Variants in STXBP4 observed in about 807,000 individuals in gnomAD.
STXBP4 encodes the protein syntaxin binding protein 4.
Under a neutral mutation model 76.1 loss-of-function variants are expected in STXBP4, and 55 were observed. That is an observed-to-expected ratio of 0.72 (90% CI 0.58 to 0.91). STXBP4 has a LOEUF of 0.91. Ranked by LOEUF, STXBP4 falls within the 40% of genes least tolerant of loss-of-function variation. The probability of loss-of-function intolerance (pLI) is 0.00; values close to 1 mark genes in which losing one functional copy is unlikely to be tolerated. For synonymous variants in STXBP4, 201 were observed against 220.2 expected, an observed-to-expected ratio of 0.91 and a Z score of 0.77; for missense variants, 618 against 636.9, an observed-to-expected ratio of 0.97 and a Z score of 0.32.
At chr17:55,112,904 TAA>T (rs1185744671) in intron 16 of STXBP4, among the ~76,000 whole-genome samples, 6 of 152,086 alleles carry the variant, frequency 3.9e-5, no homozygotes, top group Non-Finnish European at 7.4e-5. Context: ...GAAGGAGTGA[TAA>T]ATGCTGATAA....
chr17:55,039,206 A>G (rs954251839), intron 10 of STXBP4, among the ~76,000 whole-genome samples: 4 of 152,220 alleles, frequency 2.6e-5, no homozygotes, highest in Non-Finnish European at 5.9e-5. Flanking sequence ...AACATTCAGA[A>G]AAGATTCATA....
At chr17:55,082,055 A>G (rs1414055302) in intron 16 of STXBP4, among the ~76,000 whole-genome samples, 1 of 152,060 alleles carries the variant, frequency 6.6e-6, no homozygotes, top group Non-Finnish European at 1.5e-5. Flanking sequence ...TATACCTATA[A>G]TTTATAAAAA....
intron 16 of STXBP4, among the ~76,000 whole-genome samples, chr17:55,112,980 G>A (rs1166974200): frequency 1.3e-5 from 2 of 152,140 alleles, no homozygotes; most frequent in African/African-American, 2.4e-5. Flanking sequence ...TTTTAGAAGA[G>A]AAATTTCAGT....
At chr17:55,009,921 A>G (rs2078076860) in intron 8 of STXBP4, among the ~76,000 whole-genome samples, 3 of 151,972 alleles carry the variant, frequency 2.0e-5, no homozygotes. Context: ...GTATCATCTC[A>G]GCTTGAAATA....
rs1390165014 is a variant in STXBP4 at position 55,160,876 on chromosome 17, G to T, written c.*965G>T. ...CAGCAGACTTCTTTCAGCAGCTCGT[G>T]TTTTTCTAAAGTGAAAGGCATGGTT... is the stretch of plus-strand genomic sequence containing the variant. On this transcript the variant is annotated 3_prime_UTR_variant, in exon 18 of 18. Transcript: ENST00000376352. The T allele has an allele frequency of 6.6e-6, 1 of 152,310 alleles. No individual in the cohort carries two copies. Among genetic ancestry groups the T allele is most frequent in the African/African-American group, 2.4e-5 (1 of 41,466 alleles). The allele number at this position is 152,310 out of a possible 1,614,324, so 9.4% of individuals were successfully genotyped here.
rs553933060 is a variant in STXBP4 at position 55,087,617 on chromosome 17, G to T, written c.1489+6434G>T. ...TCATTGGTCTGTGTGATTTTAGGCC[G>T]GTCCCATGCTGTTTTGGTTACTGCA... On this transcript the variant is annotated intron_variant, in intron 16 of 17. Coordinates refer to ENST00000376352, the MANE Select transcript of STXBP4 (RefSeq NM_178509.6). Among the ~76,000 whole-genome samples, 10 of 152,062 alleles carry T rather than the reference G, an allele frequency of 6.6e-5. No individual in the cohort carries two copies. The East Asian group carries it at 1.7e-3, about 26-fold the overall frequency.
the STXBP4 span, among the ~76,000 whole-genome samples, chr17:55,179,313 T>C: frequency 2.6e-5 from 4 of 151,736 alleles, no homozygotes; most frequent in African/African-American, 9.7e-5. Flanking sequence ...TCCTAGAGCA[T>C]GGAAAAAAAA....
At chr17:55,084,300 T>C (rs1039633381) in intron 16 of STXBP4, among the ~76,000 whole-genome samples, 3 of 152,228 alleles carry the variant, frequency 2.0e-5, no homozygotes, top group African/African-American at 4.8e-5. Context: ...TGTCTGTTCA[T>C]GTCCTTTGCC....
chr17:55,147,715 T>C (rs979412075), intron 17 of STXBP4, among the ~76,000 whole-genome samples: 3 of 152,216 alleles, frequency 2.0e-5, no homozygotes, highest in Non-Finnish European at 4.4e-5. Flanking sequence ...AGAAAGTCTA[T>C]GTATTTGAAT....
chr17:55,033,948 A>G (rs146568693), intron 9 of STXBP4, among the ~76,000 whole-genome samples: 1 of 152,346 alleles, frequency 6.6e-6, no homozygotes, highest in African/African-American at 2.4e-5. Flanking sequence ...CTTTATTATT[A>G]TCTTAGCTGA....
chr17:55,011,855 C>G (rs2078121938), intron 8 of STXBP4, among the ~76,000 whole-genome samples: 1 of 152,146 alleles, frequency 6.6e-6, no homozygotes, highest in Admixed American at 6.6e-5. Context: ...CCCCTCTCAA[C>G]AGGAAAACCC....
intron 16 of STXBP4, among the ~76,000 whole-genome samples, chr17:55,096,742 C>T (rs372513774): frequency 4.0e-5 from 6 of 151,780 alleles, no homozygotes; most frequent in East Asian, 3.9e-4. Context: ...GGACTATTTG[C>T]GTAACAATAC....
chr17:55,078,050 A>G, intron 13 of STXBP4, 28 bp from the exon 14 acceptor site: 1 of 1,438,266 alleles, frequency 7.0e-7, no homozygotes, highest in Non-Finnish European at 9.6e-7. Flanking sequence ...AGAAATGTGT[A>G]AATGCTCCTT....
chr17:55,148,608 G>A (rs1253104872), intron 17 of STXBP4, among the ~76,000 whole-genome samples: 2 of 151,102 alleles, frequency 1.3e-5, no homozygotes, highest in African/African-American at 2.4e-5. Flanking sequence ...ACACAGTCTC[G>A]GCTCAGTGCA....
At chr17:54,974,958 G>A (rs1453318221) in intron 1 of STXBP4, among the ~76,000 whole-genome samples, 1 of 152,166 alleles carries the variant, frequency 6.6e-6, no homozygotes, top group Non-Finnish European at 1.5e-5. Context: ...GGAAAGGGGT[G>A]GTAAGATCTG....
intron 11 of STXBP4, chr17:55,044,449 G>A (rs1212965785): frequency 6.6e-6 from 1 of 151,798 alleles, no homozygotes; most frequent in Non-Finnish European, 1.5e-5. Context: ...GGAAGCCATT[G>A]TTGCAAATAT....
At chr17:55,099,904 C>CT (rs914585949) in intron 16 of STXBP4, among the ~76,000 whole-genome samples, 1 of 152,034 alleles carries the variant, frequency 6.6e-6, no homozygotes, top group African/African-American at 2.4e-5. Flanking sequence ...AAGATTATAC[C>CT]TTTTTTTCAG....
chr17:54,994,412 T>C (rs560075245), intron 4 of STXBP4, among the ~76,000 whole-genome samples: 2 of 152,346 alleles, frequency 1.3e-5, no homozygotes, highest in African/African-American at 4.8e-5. Flanking sequence ...ACAGAGTCTC[T>C]TCCAGTTTAC....
At chr17:55,202,551 TG>T in the STXBP4 span, among the ~76,000 whole-genome samples, 2 of 152,042 alleles carry the variant, frequency 1.3e-5, no homozygotes, top group African/African-American at 4.8e-5. Flanking sequence ...AAGGGTGTCT[TG>T]CTCAGGGCAA....
Sources: allele counts gnomAD v4.1 joint callset (sites outside exome capture counted in the v4.1 genomes callset), GRCh38; gene constraint gnomAD v4.1.1; transcripts MANE v1.5; gene names NCBI Gene and HGNC (gene_info 2026-07-23, HGNC 2026-07-21).